The following ADAMTS3 variants were observed in gnomAD, a reference collection of about 807,000 sequenced individuals.
ADAMTS3 encodes the protein A disintegrin and metalloproteinase with thrombospondin motifs 3.
ADAMTS3 carries 73 observed loss-of-function variants against 129.0 expected under a neutral mutation model. The observed-to-expected ratio is 0.57, with a 90% CI of 0.47 to 0.69. ADAMTS3 has a LOEUF of 0.69. Among genes scored for constraint, ADAMTS3 ranks in the 30% least tolerant of loss-of-function variants. The pLI is 0.00. For missense variants in ADAMTS3, 1,457 were observed against 1,514.5 expected (o/e 0.96, Z 0.63); for synonymous variants, 477 against 510.8 (o/e 0.93, Z 0.89).
intron 2 of ADAMTS3, among the ~76,000 whole-genome samples, chr4:72,560,336 G>A (rs960916083): frequency 4.6e-5 from 7 of 151,600 alleles, no homozygotes; most frequent in African/African-American, 1.2e-4. Context: ...CAACAAAAGC[G>A]AAAATTGACA....
intron 3 of ADAMTS3, among the ~76,000 whole-genome samples, chr4:72,461,264 T>G: frequency 6.6e-6 from 1 of 151,670 alleles, no homozygotes. Context: ...CTGAGTTATA[T>G]AAAAAGTCAA....
In ADAMTS3 at chr4:72,425,305, T is replaced by C. The variant is rs149254162; in HGVS notation, c.505-10334A>G. 4.6e-3 allele frequency among the ~76,000 whole-genome samples: 704 copies of C among 152,244 alleles called. 2 individuals are homozygous for C. The highest frequency in any genetic ancestry group is 6.5e-3 in the Non-Finnish European group (439 of 68,016). The stretch of plus-strand genomic sequence containing the variant: ...CCAATGGTCACAAAAATATAAAATA[T>C]ATAAAACATTTATTTTTAATTTGGG... On this transcript the variant is annotated intron_variant, in intron 3 of 21. Coordinates refer to ENST00000286657, the MANE Select transcript of ADAMTS3 (RefSeq NM_014243.3).
At position 72,312,462 on chromosome 4, in the gene ADAMTS3, T is replaced by C. The variant is rs759121114; in HGVS notation, c.1750A>G (p.Ile584Val). The C allele has an allele frequency of 1.2e-6, 2 of 1,613,318 alleles. No homozygotes were observed. Among genetic ancestry groups the C allele is most frequent in the Non-Finnish European group, 1.7e-6 (2 of 1,179,548 alleles). Residue 584 changes from isoleucine to valine, a missense_variant, in exon 13 of 22, where the codon ATC becomes GTC. Coordinates refer to ENST00000286657, the MANE Select transcript of ADAMTS3 (RefSeq NM_014243.3). ...CCAGGACAATCCTGACCACCATTGATGGGCCTAAAGAAAAGACAACATTTA... is the reference window on the plus strand; with the variant it reads ...CCAGGACAATCCTGACCACCATTGACGGGCCTAAAGAAAAGACAACATTTA... ...RTRQCNNPMP[I>V]NGGQDCPGVN...
intron 3 of ADAMTS3, among the ~76,000 whole-genome samples, chr4:72,521,482 A>G (rs570863869): frequency 6.6e-6 from 1 of 152,198 alleles, no homozygotes; most frequent in South Asian, 2.1e-4. Flanking sequence ...TTTCAAGCTC[A>G]CTGAGTTGTT....
At chr4:72,464,532 C>A (rs1013973477) in intron 3 of ADAMTS3, among the ~76,000 whole-genome samples, 5 of 151,902 alleles carry the variant, frequency 3.3e-5, no homozygotes, top group African/African-American at 1.2e-4. Context: ...AAATTTTTAA[C>A]TAAATTTAAA....
chr4:72,387,197 AT>A (rs1372036073), intron 4 of ADAMTS3, among the ~76,000 whole-genome samples: 1 of 152,218 alleles, frequency 6.6e-6, no homozygotes, highest in Non-Finnish European at 1.5e-5. Context: ...GATAGCTAAA[AT>A]TCATGCTTTT....
rs187578615 is a variant in ADAMTS3, at chr4:72,296,264, T to C, written c.2591-478A>G. Reference sequence around the variant, plus strand: ...GGGTAATGGAAATGAAGCAGAATTATTCTCCAAGCAAAGGAAATAACGTGT... The same window carrying C: ...GGGTAATGGAAATGAAGCAGAATTACTCTCCAAGCAAAGGAAATAACGTGT... On this transcript the variant is annotated intron_variant, in intron 18 of 21. Coordinates refer to ENST00000286657, the MANE Select transcript of ADAMTS3 (RefSeq NM_014243.3). 1.1e-3 allele frequency among the ~76,000 whole-genome samples: 167 copies of C among 152,130 alleles called. 1 individual carries two copies. Among genetic ancestry groups the C allele is most frequent in the African/African-American group, 3.9e-3 (162 of 41,524 alleles).
intron 3 of ADAMTS3, among the ~76,000 whole-genome samples, chr4:72,519,072 G>T (rs56250519): frequency 0.31 from 45,138 of 147,252 alleles, 7,001 homozygotes; most frequent in Middle Eastern, 0.34. Flanking sequence ...GTCTGTAAAG[G>T]ATTTTATTTC....
intron 4 of ADAMTS3, among the ~76,000 whole-genome samples, chr4:72,361,699 A>G (rs1720731540): frequency 6.6e-6 from 1 of 152,060 alleles, no homozygotes; most frequent in Non-Finnish European, 1.5e-5. Flanking sequence ...GTGACCCATG[A>G]TCACTGCAAA....
chr4:72,568,224 G>C (rs1034752962), intron 1 of ADAMTS3, among the ~76,000 whole-genome samples: 6 of 151,964 alleles, frequency 3.9e-5, no homozygotes, highest in African/African-American at 1.5e-4. Flanking sequence ...TGAAACCCCC[G>C]CCTCCGGCTG....
chr4:72,474,607 G>C (rs1198424868), intron 3 of ADAMTS3, among the ~76,000 whole-genome samples: 1 of 152,076 alleles, frequency 6.6e-6, no homozygotes. Flanking sequence ...TTCAGGTAAA[G>C]TTTCCATACT....
At chr4:72,419,935 T>G (rs1194589265) in intron 3 of ADAMTS3, among the ~76,000 whole-genome samples, 1 of 152,140 alleles carries the variant, frequency 6.6e-6, no homozygotes, top group Non-Finnish European at 1.5e-5. Flanking sequence ...AATACTATTT[T>G]CATATTTCTC....
chr4:72,477,093 C>G lies in ADAMTS3; in HGVS notation c.505-62122G>C, dbSNP rs146369911. Among the ~76,000 whole-genome samples the G allele has an allele frequency of 3.7e-3, 567 of 152,168 alleles. 3 individuals carry two copies. Among genetic ancestry groups the G allele is most frequent in the Non-Finnish European group, 7.0e-3 (473 of 67,968 alleles). ...AACATTATATTTAAGTGGTAAAAGACTCAAGACTTTCACCCTGAAATTGGG... is the reference window on the plus strand; with the variant it reads ...AACATTATATTTAAGTGGTAAAAGAGTCAAGACTTTCACCCTGAAATTGGG... On this transcript the variant is annotated intron_variant, in intron 3 of 21. Coordinates refer to ENST00000286657, the MANE Select transcript of ADAMTS3 (RefSeq NM_014243.3).
intron 3 of ADAMTS3, among the ~76,000 whole-genome samples, chr4:72,452,310 T>C (rs1718428049): frequency 2.0e-5 from 3 of 150,908 alleles, no homozygotes; most frequent in Non-Finnish European, 4.4e-5. Context: ...TAACATAATA[T>C]AATATAAAAT....
chr4:72,450,801 A>G (rs1718377408), intron 3 of ADAMTS3, among the ~76,000 whole-genome samples: 1 of 151,728 alleles, frequency 6.6e-6, no homozygotes, highest in East Asian at 2.0e-4. Flanking sequence ...AAGGCCTTCA[A>G]GAGAGTACCA....
intron 3 of ADAMTS3, among the ~76,000 whole-genome samples, chr4:72,504,909 G>A (rs1720117726): frequency 6.6e-6 from 1 of 152,164 alleles, no homozygotes; most frequent in African/African-American, 2.4e-5. Flanking sequence ...TTCAATTCCA[G>A]AAGCTCTAAT....
At chr4:72,379,576 T>C (rs926909989) in intron 4 of ADAMTS3, among the ~76,000 whole-genome samples, 1 of 152,150 alleles carries the variant, frequency 6.6e-6, no homozygotes, top group Non-Finnish European at 1.5e-5. Context: ...AGTTGACAAT[T>C]TATGATAGAG....
At chr4:72,567,320 T>C in intron 2 of ADAMTS3, 54 bp downstream of exon 2, 1 of 1,576,486 alleles carries the variant, frequency 6.3e-7, no homozygotes, top group Non-Finnish European at 8.7e-7. Flanking sequence ...TTAGCTCACT[T>C]CATTCCCTTA....
At chr4:72,300,633 A>G (rs761727519) in intron 17 of ADAMTS3, among the ~76,000 whole-genome samples, 1 of 152,188 alleles carries the variant, frequency 6.6e-6, no homozygotes, top group Non-Finnish European at 1.5e-5. Flanking sequence ...AATAGTGCTA[A>G]AACAACTGGA....
Sources: gnomAD v4.1 joint callset for allele counts (sites outside exome capture counted in the v4.1 genomes callset) on GRCh38, gnomAD v4.1.1 for gene constraint, MANE v1.5 for transcripts, NCBI Gene and HGNC (gene_info 2026-07-23, HGNC 2026-07-21) for gene names.